Variants in RXRA observed in about 807,000 individuals in gnomAD.
RXRA encodes retinoic acid receptor RXR-alpha.
Under a neutral mutation model 44.5 loss-of-function variants are expected in RXRA, and 5 were observed. That is an observed-to-expected ratio of 0.11 (90% CI 0.06 to 0.24). The LOEUF (loss-of-function observed/expected upper bound fraction) is 0.24, where lower values mean the gene tolerates loss of function less well. RXRA is among the 10% of genes least tolerant of loss of function. The probability of loss-of-function intolerance (pLI) is 1.00; values close to 1 mark genes in which losing one functional copy is unlikely to be tolerated. For synonymous variants in RXRA, 291 were observed against 271.4 expected, an observed-to-expected ratio of 1.07 and a Z score of -0.71; for missense variants, 412 against 646.5, an observed-to-expected ratio of 0.64 and a Z score of 3.93.
intron 7 of RXRA, 25 bp downstream of exon 7, chr9:134,429,265 A>C: frequency 6.2e-7 from 1 of 1,604,064 alleles, no homozygotes; most frequent in East Asian, 2.2e-5. Context: ...GGGAGGGGCG[A>C]GGGCGCTTCG....
intron 1 of RXRA, among the ~76,000 whole-genome samples, chr9:134,391,607 C>T (rs145489090): frequency 3.9e-5 from 6 of 152,230 alleles, no homozygotes; most frequent in Admixed American, 2.0e-4. Context: ...TTCAGGGGTA[C>T]GGCCTGGAAG....
At chr9:134,359,027 A>T (rs926559238) in intron 1 of RXRA, among the ~76,000 whole-genome samples, 3 of 152,240 alleles carry the variant, frequency 2.0e-5, no homozygotes, top group African/African-American at 7.2e-5. Context: ...GCATTCATGG[A>T]ACAGCTGCTG....
intron 1 of RXRA, among the ~76,000 whole-genome samples, chr9:134,393,846 C>G (rs1830834767): frequency 6.6e-6 from 1 of 152,156 alleles, no homozygotes; most frequent in Admixed American, 6.5e-5. Flanking sequence ...GCAGCTGTAC[C>G]TGCCACCACT....
intron 6 of RXRA, chr9:134,423,346 C>T (rs1588304672): frequency 2.0e-6 from 2 of 985,366 alleles, no homozygotes; most frequent in East Asian, 2.3e-4. Context: ...TAGAGGCCCG[C>T]TACCGCACTG....
At chr9:134,352,757 G>T (rs1392512965) in intron 1 of RXRA, among the ~76,000 whole-genome samples, 3 of 152,184 alleles carry the variant, frequency 2.0e-5, no homozygotes, top group African/African-American at 7.2e-5. Flanking sequence ...CACAGCTGAC[G>T]GCTCGCATGC....
At chr9:134,402,160 A>G in intron 2 of RXRA, 2 of 494,804 alleles carry the variant, frequency 4.0e-6, no homozygotes, top group Non-Finnish European at 7.2e-6. Context: ...AGGGCTCGGG[A>G]CTCCCTGTTC....
chr9:134,383,757 G>A (rs1477751133), intron 1 of RXRA, among the ~76,000 whole-genome samples: 2 of 152,136 alleles, frequency 1.3e-5, no homozygotes, highest in East Asian at 3.9e-4. Context: ...GCATGAGGAC[G>A]GGTAGGTGGG....
At chr9:134,425,451 A>C (rs1004914383) in intron 6 of RXRA, 1 of 983,660 alleles carries the variant, frequency 1.0e-6, no homozygotes, top group Non-Finnish European at 1.2e-6. Context: ...TGCCCCCTTC[A>C]TCCCAGGCTG....
intron 4 of RXRA, among the ~76,000 whole-genome samples, chr9:134,415,909 A>G (rs1195265872): frequency 6.6e-6 from 1 of 152,160 alleles, no homozygotes; most frequent in Admixed American, 6.5e-5. Context: ...CGGTTTACTC[A>G]CTTAGACCAG....
chr9:134,378,796 C>A (rs142702292), intron 1 of RXRA, among the ~76,000 whole-genome samples: 2,975 of 152,292 alleles, frequency 0.02, 50 homozygotes, highest in Admixed American at 0.045. Flanking sequence ...CTGTGAAGCA[C>A]CCCAGCCTTG....
chr9:134,419,880 G>A lies in RXRA; in HGVS notation c.781-1796G>A, dbSNP rs147487855. On this transcript the variant is annotated intron_variant, in intron 5 of 9. Coordinates refer to ENST00000481739, the MANE Select transcript of RXRA (RefSeq NM_002957.6). Reference sequence around the variant, plus strand: ...GGGAGTGTGCCTCCTCCTCCGCTCCGGCCTCCTGGCTCTCCAGCCTGCCAC... The same window carrying A: ...GGGAGTGTGCCTCCTCCTCCGCTCCAGCCTCCTGGCTCTCCAGCCTGCCAC... 2.3e-3 allele frequency among the ~76,000 whole-genome samples: 347 copies of A among 152,230 alleles called. 1 individual carries two copies. The highest frequency in any genetic ancestry group is 7.8e-3 in the African/African-American group (324 of 41,524).
chr9:134,406,456 C>T (rs963228575), intron 2 of RXRA: 4 of 151,564 alleles, frequency 2.6e-5, no homozygotes, highest in East Asian at 1.9e-4. Flanking sequence ...GTTTTGCCGA[C>T]GAGGAAACTC....
Position 134,430,855 on chromosome 9 carries a change from T to C in RXRA, c.1044-1050T>C, listed in dbSNP as rs561658019. ...GCAGTGACTACAGAGGCCCCGGCAT[T>C]TCCTCGCCTTTTTTGCGAGTGGAAT... is the stretch of plus-strand genomic sequence containing the variant. On this transcript the variant is annotated intron_variant, in intron 7 of 9. Coordinates refer to ENST00000481739, the MANE Select transcript of RXRA (RefSeq NM_002957.6). 1.5e-4 allele frequency among the ~76,000 whole-genome samples: 23 copies of C among 152,334 alleles called. 1 individual carries two copies. The highest frequency in any genetic ancestry group is 1.3e-3 in the Admixed American group (20 of 15,310).
intron 1 of RXRA, among the ~76,000 whole-genome samples, chr9:134,336,600 C>G (rs1271058443): frequency 6.6e-6 from 1 of 152,198 alleles, no homozygotes; most frequent in Non-Finnish European, 1.5e-5. Flanking sequence ...CTCCTCTTCC[C>G]GTGGGGCCCT....
At chr9:134,350,095 G>A (rs1830203219) in intron 1 of RXRA, among the ~76,000 whole-genome samples, 1 of 151,834 alleles carries the variant, frequency 6.6e-6, no homozygotes. Context: ...TGGAAGGTGG[G>A]GGTACAGCTG....
intron 2 of RXRA, among the ~76,000 whole-genome samples, chr9:134,406,733 A>G (rs1419363596): frequency 6.6e-6 from 1 of 152,176 alleles, no homozygotes; most frequent in Non-Finnish European, 1.5e-5. Flanking sequence ...GTGGGGGATC[A>G]TGTGTGACCT....
chr9:134,420,490 C>T (rs1831311394), intron 5 of RXRA, among the ~76,000 whole-genome samples: 1 of 152,224 alleles, frequency 6.6e-6, no homozygotes, highest in Admixed American at 6.5e-5. Context: ...AAGGGCTGCC[C>T]TGCCCTCTTC....
chr9:134,417,573 C>T lies in RXRA; in HGVS notation c.780+246C>T, dbSNP rs909790815. Among the ~76,000 whole-genome samples, 33 of 151,916 alleles carry T rather than the reference C, an allele frequency of 2.2e-4. No homozygotes were observed. Among genetic ancestry groups the T allele is most frequent in the African/African-American group, 8.0e-4 (33 of 41,316 alleles). The stretch of plus-strand genomic sequence containing the variant: ...GGGGCAGGGGCCAGGGGCCAGGGGC[C>T]CGGGGCCTGGGGCCCTGCGGCCACA... On this transcript the variant is annotated intron_variant, in intron 5 of 9. Transcript: ENST00000481739. The surrounding 1 kb of genome is among the most constrained non-coding windows in gnomAD (Gnocchi z 6.1).
chr9:134,337,817 A>G (rs1450136693), intron 1 of RXRA, among the ~76,000 whole-genome samples: 2 of 151,966 alleles, frequency 1.3e-5, no homozygotes, highest in African/African-American at 4.8e-5. Flanking sequence ...GGGGTCGCCC[A>G]GAGACTCTTG....
Sources: gnomAD v4.1 joint callset for allele counts (sites outside exome capture counted in the v4.1 genomes callset) on GRCh38, gnomAD v4.1.1 for gene constraint, Gnocchi (gnomAD v3.1) non-coding constraint, MANE v1.5 for transcripts, NCBI Gene and HGNC (gene_info 2026-07-23, HGNC 2026-07-21) for gene names.